Variants in ANKRD29 observed in about 807,000 individuals in gnomAD.
ANKRD29 encodes the protein ankyrin repeat domain-containing protein 29.
A neutral mutation model predicts 38.0 loss-of-function variants in ANKRD29; 32 were observed. The observed-to-expected ratio is 0.84, with a 90% CI of 0.64 to 1.13. The LOEUF (loss-of-function observed/expected upper bound fraction) is 1.13, where lower values mean the gene tolerates loss of function less well. ANKRD29 is among the 50% of genes most tolerant of loss of function. The pLI is 0.00. For missense variants in ANKRD29, 357 were observed against 377.9 expected (o/e 0.94, Z 0.46); for synonymous variants, 135 against 152.4 (o/e 0.89, Z 0.84).
chr18:23,649,941 G>A (rs1044333184), intron 1 of ANKRD29, among the ~76,000 whole-genome samples: 3 of 152,052 alleles, frequency 2.0e-5, no homozygotes, highest in African/African-American at 7.2e-5. Flanking sequence ...CGTTGGCCAG[G>A]ATGGTCTTGT....
At chr18:23,610,914 A>G (rs1292193469) in intron 9 of ANKRD29, among the ~76,000 whole-genome samples, 1 of 152,210 alleles carries the variant, frequency 6.6e-6, no homozygotes, top group Non-Finnish European at 1.5e-5. Flanking sequence ...TCCTGGGCTC[A>G]AGCAATCTAC....
chr18:23,634,278 GTTTTTTTTTTTTT>G (rs71163626), intron 4 of ANKRD29, 129 bp from the exon 5 acceptor site: 174,282 of 371,666 alleles, frequency 0.47, 22,335 homozygotes, highest in Non-Finnish European at 0.52. Context: ...CACTTTCCCT[GTTTTTTTTTTTTT>G]TTTTTTTTTT....
In ANKRD29 at chr18:23,644,827, T is replaced by C. The variant is rs182159207; in HGVS notation, c.231+1362A>G. Among the ~76,000 whole-genome samples the C allele has an allele frequency of 1.1e-4, 16 of 152,332 alleles. No homozygotes were observed. In the East Asian group the frequency reaches 2.7e-3, roughly 26 times the overall value. ...TAAACGAGCCTCTAGCCTGAGCCTC[T>C]CAAGTAACTGGTACTATAGGTGTAG... is the stretch of plus-strand genomic sequence containing the variant. On this transcript the variant is annotated intron_variant, in intron 3 of 9. Transcript: ENST00000592179.
At chr18:23,649,529 A>C in intron 1 of ANKRD29, 1 of 529,292 alleles carries the variant, frequency 1.9e-6, no homozygotes, top group Non-Finnish European at 3.6e-6. Flanking sequence ...CCATCCTTCA[A>C]GGCCAAGGCT....
intron 8 of ANKRD29, among the ~76,000 whole-genome samples, chr18:23,613,930 T>C (rs1295688390): frequency 1.3e-5 from 2 of 151,890 alleles, no homozygotes; most frequent in Non-Finnish European, 2.9e-5. Flanking sequence ...CAGGGTTTCA[T>C]CATGTTGGCC....
At chr18:23,622,968 TC>T (rs1241984102) in intron 6 of ANKRD29, among the ~76,000 whole-genome samples, 1 of 152,318 alleles carries the variant, frequency 6.6e-6, no homozygotes, top group East Asian at 1.9e-4. Context: ...AATCAGTTCT[TC>T]CTGGCTGTAA....
At chr18:23,642,338 G>A (rs1238766244) in intron 3 of ANKRD29, among the ~76,000 whole-genome samples, 1 of 151,994 alleles carries the variant, frequency 6.6e-6, no homozygotes, top group African/African-American at 2.4e-5. Context: ...GCGGTTCCTG[G>A]CATCTCCAAG....
At chr18:23,616,566 AC>A (rs1384730529) in intron 8 of ANKRD29, among the ~76,000 whole-genome samples, 10 of 136,614 alleles carry the variant, frequency 7.3e-5, no homozygotes, top group African/African-American at 1.5e-4. Context: ...ATATATATAC[AC>A]TATATATACA....
At chr18:23,610,470 CTG>C (rs1471489240) in intron 9 of ANKRD29, among the ~76,000 whole-genome samples, 1 of 152,066 alleles carries the variant, frequency 6.6e-6, no homozygotes, top group African/African-American at 2.4e-5. Flanking sequence ...GAGTGAGACT[CTG>C]TCTCAAAAAC....
intron 1 of ANKRD29, among the ~76,000 whole-genome samples, chr18:23,650,897 T>A (rs191112950): frequency 1.3e-5 from 2 of 152,330 alleles, no homozygotes; most frequent in Admixed American, 1.3e-4. Context: ...TTAGGAAATT[T>A]TATAAAAGTA....
intron 6 of ANKRD29, among the ~76,000 whole-genome samples, chr18:23,627,451 A>G (rs531008245): frequency 1.3e-5 from 2 of 152,326 alleles, no homozygotes; most frequent in Middle Eastern, 3.4e-3. Context: ...TGACCAGGTT[A>G]TCCTAACTCT....
At chr18:23,606,503 G>T (rs888569522) in intron 9 of ANKRD29, among the ~76,000 whole-genome samples, 1 of 152,064 alleles carries the variant, frequency 6.6e-6, no homozygotes, top group African/African-American at 2.4e-5. Flanking sequence ...TAGAGAGGGG[G>T]TCTTGCTATA....
At chr18:23,623,941 C>G (rs1041697985) in intron 6 of ANKRD29, among the ~76,000 whole-genome samples, 1 of 151,466 alleles carries the variant, frequency 6.6e-6, no homozygotes, top group African/African-American at 2.4e-5. Flanking sequence ...CCGCGTCTGG[C>G]GATTTTATAT....
rs757362014 is a variant in ANKRD29, at chr18:23,622,898, A to G, written c.529-3269T>C. ...TTATTATTATCAATTTAGAACATCAATGATAACACTCATCAAATATATCAT... is the reference window on the plus strand; with the variant it reads ...TTATTATTATCAATTTAGAACATCAGTGATAACACTCATCAAATATATCAT... On this transcript the variant is annotated intron_variant, in intron 6 of 9. Transcript: ENST00000592179. Among the ~76,000 whole-genome samples, 6 of 152,332 alleles carry G rather than the reference A, an allele frequency of 3.9e-5. No homozygotes were observed. The East Asian group carries it at 5.8e-4, about 15-fold the overall frequency.
chr18:23,616,866 A>C (rs1028572087), intron 8 of ANKRD29, among the ~76,000 whole-genome samples: 1 of 150,934 alleles, frequency 6.6e-6, no homozygotes, highest in African/African-American at 2.4e-5. Flanking sequence ...AAGACTTTAC[A>C]GAAAAAGTTT....
chr18:23,611,896 T>C (rs1460379861), intron 9 of ANKRD29, among the ~76,000 whole-genome samples, 196 bp downstream of exon 9: 1 of 151,120 alleles, frequency 6.6e-6, no homozygotes, highest in Non-Finnish European at 1.5e-5. Context: ...TTGATATGAG[T>C]CAGGGTTTTT....
chr18:23,620,685 T>C (rs2059786107), intron 6 of ANKRD29, among the ~76,000 whole-genome samples: 1 of 152,186 alleles, frequency 6.6e-6, no homozygotes, highest in Non-Finnish European at 1.5e-5. Context: ...TTTTCTCTTC[T>C]TGTGAGAAAC....
chr18:23,657,203 T>C (rs542936272), intron 1 of ANKRD29, among the ~76,000 whole-genome samples: 19 of 152,352 alleles, frequency 1.2e-4, no homozygotes, highest in African/African-American at 4.6e-4. Context: ...GCCAGCCTCC[T>C]TTCTACCTAC....
At chr18:23,638,203 T>C (rs2060027916) in intron 4 of ANKRD29, among the ~76,000 whole-genome samples, 1 of 152,072 alleles carries the variant, frequency 6.6e-6, no homozygotes, top group Non-Finnish European at 1.5e-5. Context: ...GGTTTCACCA[T>C]GTTGATCAGG....
Sources: allele counts gnomAD v4.1 joint callset (sites outside exome capture counted in the v4.1 genomes callset), GRCh38; gene constraint gnomAD v4.1.1; transcripts MANE v1.5; gene names NCBI Gene and HGNC (gene_info 2026-07-23, HGNC 2026-07-21).